Variants in TTC6 observed in about 807,000 individuals in gnomAD.
The protein encoded by TTC6 is tetratricopeptide repeat domain 6.
Under a neutral mutation model 210.4 loss-of-function variants are expected in TTC6, and 172 were observed. The observed-to-expected ratio is 0.82, with a 90% CI of 0.72 to 0.93. The LOEUF (loss-of-function observed/expected upper bound fraction) is 0.93, where lower values mean the gene tolerates loss of function less well. Among genes scored for constraint, TTC6 ranks in the 40% least tolerant of loss-of-function variants. TTC6 has a pLI of 0.00. For missense variants in TTC6, 2,414 were observed against 2,318.1 expected, an observed-to-expected ratio of 1.04 and a Z score of -0.85; for synonymous variants, 804 against 819.6, an observed-to-expected ratio of 0.98 and a Z score of 0.32.
At chr14:37,648,174 G>T (rs1026385386) in intron 1 of TTC6, among the ~76,000 whole-genome samples, 1 of 152,158 alleles carries the variant, frequency 6.6e-6, no homozygotes, top group African/African-American at 2.4e-5. Context: ...GGTGTTTAAT[G>T]AAAGTGGTGA....
chr14:37,743,641 A>T (rs11846483), intron 10 of TTC6, among the ~76,000 whole-genome samples: 100,716 of 152,032 alleles, frequency 0.66, 33,926 homozygotes, highest in East Asian at 0.89. Context: ...CATCAAACTA[A>T]GGCAGTGATT....
intron 1 of TTC6, among the ~76,000 whole-genome samples, chr14:37,632,689 A>G (rs1840099710): frequency 6.6e-6 from 1 of 152,162 alleles, no homozygotes; most frequent in African/African-American, 2.4e-5. Flanking sequence ...GCAGGAAGGA[A>G]GGTTTAAGTC....
chr14:37,794,528 A>G (rs546493170), intron 17 of TTC6, among the ~76,000 whole-genome samples: 1 of 150,812 alleles, frequency 6.6e-6, no homozygotes, highest in Admixed American at 6.6e-5. Context: ...GTACAAATTC[A>G]GTTTCTGCGA....
intron 14 of TTC6, among the ~76,000 whole-genome samples, chr14:37,783,101 G>C (rs2096059303): frequency 6.6e-6 from 1 of 151,884 alleles, no homozygotes; most frequent in African/African-American, 2.4e-5. Context: ...TTTTTTTGTT[G>C]TGTCTCTGCC....
intron 13 of TTC6, among the ~76,000 whole-genome samples, chr14:37,751,500 C>T (rs1337086329): frequency 6.6e-6 from 1 of 152,120 alleles, no homozygotes; most frequent in East Asian, 1.9e-4. Context: ...CCAGCTGCCT[C>T]CTCTGGAGCC....
chr14:37,706,411 C>T (rs969025990), intron 5 of TTC6, among the ~76,000 whole-genome samples: 2 of 152,036 alleles, frequency 1.3e-5, no homozygotes, highest in African/African-American at 2.4e-5. Context: ...TTGGAGTGCC[C>T]AGGCTTACCA....
At chr14:37,675,245 G>A (rs1230174906) in intron 1 of TTC6, among the ~76,000 whole-genome samples, 2 of 151,884 alleles carry the variant, frequency 1.3e-5, no homozygotes, top group East Asian at 1.9e-4. Context: ...TACCCCACAG[G>A]CCCTGGCAAC....
intron 29 of TTC6, among the ~76,000 whole-genome samples, chr14:37,832,221 A>G (rs904879644): frequency 1.3e-5 from 2 of 151,604 alleles, no homozygotes; most frequent in South Asian, 2.1e-4. Context: ...TAGTCTAGCT[A>G]TCAGTTTTGT....
intron 15 of TTC6, among the ~76,000 whole-genome samples, chr14:37,788,712 G>A (rs2096073080): frequency 6.6e-6 from 1 of 152,004 alleles, no homozygotes; most frequent in South Asian, 2.1e-4. Context: ...CTTTTTCCCA[G>A]GTCTGTCCTT....
At chr14:37,823,341 A>G (rs1384297655) in intron 26 of TTC6, among the ~76,000 whole-genome samples, 1 of 152,206 alleles carries the variant, frequency 6.6e-6, no homozygotes, top group African/African-American at 2.4e-5. Context: ...ATAAGGAAAT[A>G]TTAAATACAT....
At position 37,813,910 on chromosome 14, in the gene TTC6, G is replaced by C. The variant is rs764063794; in HGVS notation, c.4689+1477G>C. ...GCCACTGCTATCTTCCTTTCAACCAGTAAGTACTGGGGCAAGAGCAGAGCT... is the reference window on the plus strand; with the variant it reads ...GCCACTGCTATCTTCCTTTCAACCACTAAGTACTGGGGCAAGAGCAGAGCT... On this transcript the variant is annotated intron_variant, in intron 25 of 30. Coordinates refer to ENST00000553443, the Ensembl canonical transcript of TTC6. 6.6e-5 allele frequency among the ~76,000 whole-genome samples: 10 copies of C among 152,146 alleles called. No homozygotes were observed. In the South Asian group the frequency reaches 8.3e-4, roughly 13 times the overall value.
At chr14:37,835,902 C>G (rs2096196806) in intron 29 of TTC6, among the ~76,000 whole-genome samples, 1 of 151,706 alleles carries the variant, frequency 6.6e-6, no homozygotes, top group African/African-American at 2.4e-5. Context: ...TCTCCTTACT[C>G]TGTAAGCTGT....
intron 5 of TTC6, among the ~76,000 whole-genome samples, chr14:37,708,092 A>T (rs570978321): frequency 6.6e-6 from 1 of 152,052 alleles, no homozygotes; most frequent in Non-Finnish European, 1.5e-5. Context: ...GTGCATACAC[A>T]TATATTATGT....
intron 1 of TTC6, among the ~76,000 whole-genome samples, chr14:37,644,389 A>C (rs1469608623): frequency 6.6e-6 from 1 of 152,184 alleles, no homozygotes; most frequent in Non-Finnish European, 1.5e-5. Context: ...ACATAGCTGC[A>C]TCAGTTATCA....
chr14:37,719,658 A>G (rs1393925892), intron 6 of TTC6, among the ~76,000 whole-genome samples: 1 of 152,216 alleles, frequency 6.6e-6, no homozygotes, highest in African/African-American at 2.4e-5. Context: ...TTAGCCAGAA[A>G]AAGAACCCTG....
At chr14:37,711,755 A>G (rs1008341960) in intron 5 of TTC6, among the ~76,000 whole-genome samples, 1 of 152,030 alleles carries the variant, frequency 6.6e-6, no homozygotes, top group Admixed American at 6.6e-5. Flanking sequence ...TTGCAGGGAT[A>G]TGTGGCTTGG....
chr14:37,826,715 T>G (rs1242062747), intron 28 of TTC6, among the ~76,000 whole-genome samples: 1 of 152,092 alleles, frequency 6.6e-6, no homozygotes, highest in African/African-American at 2.4e-5. Flanking sequence ...TGTAGTGAAA[T>G]GACAAGTAAA....
chr14:37,719,209 T>A (rs2095857471), intron 6 of TTC6, among the ~76,000 whole-genome samples: 1 of 152,110 alleles, frequency 6.6e-6, no homozygotes, highest in South Asian at 2.1e-4. Context: ...ATAAAAGTGA[T>A]CTAAGTAAAT....
rs548479591 is a variant in TTC6, at chr14:37,712,762, A to G, written c.1572-1893A>G. On this transcript the variant is annotated intron_variant, in intron 5 of 30. Transcript: ENST00000553443. ...ATGGGGTAACCACTCCCGTAATTCAATTACCTCCCACCGGGTCCCTCCCAC... is the reference window on the plus strand; with the variant it reads ...ATGGGGTAACCACTCCCGTAATTCAGTTACCTCCCACCGGGTCCCTCCCAC... Among the ~76,000 whole-genome samples, 34 of 152,144 alleles carry G rather than the reference A, an allele frequency of 2.2e-4. 1 individual carries two copies. The South Asian group carries it at 5.8e-3, about 26-fold the overall frequency.
Sources: allele counts gnomAD v4.1 joint callset (sites outside exome capture counted in the v4.1 genomes callset), GRCh38; gene constraint gnomAD v4.1.1; transcripts MANE v1.5; gene names NCBI Gene and HGNC (gene_info 2026-07-23, HGNC 2026-07-21).